The following DYNC2H1 variants were observed in gnomAD, a reference collection of about 807,000 sequenced individuals.
DYNC2H1 encodes cytoplasmic dynein 2 heavy chain 1.
A neutral mutation model predicts 570.0 loss-of-function variants in DYNC2H1; 410 were observed. The observed-to-expected ratio is 0.72, with a 90% confidence interval of 0.66 to 0.78. DYNC2H1 has a LOEUF of 0.78. Ranked by LOEUF, DYNC2H1 falls within the 30% of genes least tolerant of loss-of-function variation. DYNC2H1 has a pLI of 0.00. For missense variants in DYNC2H1, 4,865 were observed against 5,046.4 expected (o/e 0.96, Z 1.09); for synonymous variants, 1,688 against 1,677.6 (o/e 1.01, Z -0.15).
At chr11:103,169,108 A>C in intron 32 of DYNC2H1, 148 bp downstream of exon 32, 1 of 774,824 alleles carries the variant, frequency 1.3e-6, no homozygotes, top group Non-Finnish European at 1.9e-6. Context: ...AGAATTAGAA[A>C]GGTGTCACAT....
chr11:103,458,290 T>C (rs1015445456), intron 87 of DYNC2H1, among the ~76,000 whole-genome samples: 7 of 152,328 alleles, frequency 4.6e-5, no homozygotes, highest in Admixed American at 1.3e-4. Flanking sequence ...ACAGATTTGT[T>C]TCCTAGGAGC....
intron 75 of DYNC2H1, among the ~76,000 whole-genome samples, chr11:103,296,935 C>T (rs72975611): frequency 0.051 from 7,818 of 152,050 alleles, 255 homozygotes; most frequent in Non-Finnish European, 0.075. Context: ...TTAGGCTGTT[C>T]CTTTTTACTT....
At chr11:103,443,544 T>C (rs978419333) in intron 85 of DYNC2H1, among the ~76,000 whole-genome samples, 1 of 151,872 alleles carries the variant, frequency 6.6e-6, no homozygotes, top group Admixed American at 6.6e-5. Flanking sequence ...TATTTTTTAG[T>C]AATATATATT....
At chr11:103,435,257 C>T (rs770343565) in intron 84 of DYNC2H1, among the ~76,000 whole-genome samples, 11 of 152,042 alleles carry the variant, frequency 7.2e-5, no homozygotes, top group Non-Finnish European at 8.8e-5. Flanking sequence ...ATAAAATTGA[C>T]GTTCTCTCCT....
intron 18 of DYNC2H1, among the ~76,000 whole-genome samples, chr11:103,144,518 T>C (rs1355911632): frequency 6.6e-6 from 1 of 152,012 alleles, no homozygotes; most frequent in African/African-American, 2.4e-5. Flanking sequence ...CAGGTGCAAA[T>C]GAAAATGGGA....
rs7935112 is a variant in DYNC2H1 at position 103,121,628 on chromosome 11, A to G, written c.1485+132A>G. 2.1e-3 allele frequency: 2,084 copies of G among 1,011,820 alleles called. 24 individuals carry two copies. The African/African-American group carries it at 0.028, about 14-fold the overall frequency. The allele number at this position is 1,011,820 out of a possible 1,614,324, so 62.7% of individuals were successfully genotyped here. ...GGCATGTCTGTCTAATTTTCATACA[A>G]AATGCAGAACACTGAAAAAGTATGC... On this transcript the variant is annotated intron_variant, in intron 10 of 88. Transcript: ENST00000375735.
chr11:103,459,658 A>G (rs1265004179), intron 87 of DYNC2H1, among the ~76,000 whole-genome samples: 2 of 152,076 alleles, frequency 1.3e-5, no homozygotes, highest in African/African-American at 2.4e-5. Context: ...TTCTCACTTA[A>G]AGCTGAAGGA....
At chr11:103,333,587 A>G (rs1014011423) in intron 82 of DYNC2H1, among the ~76,000 whole-genome samples, 2 of 152,204 alleles carry the variant, frequency 1.3e-5, no homozygotes, top group African/African-American at 2.4e-5. Flanking sequence ...CAGTTCTACT[A>G]TACTGGCCTC....
At chr11:103,197,204 AT>A (rs1862537264) in intron 47 of DYNC2H1, among the ~76,000 whole-genome samples, 1 of 151,610 alleles carries the variant, frequency 6.6e-6, no homozygotes, top group African/African-American at 2.4e-5. Context: ...GAGTTTTGAG[AT>A]TGTTTTATTT....
chr11:103,286,372 T>G lies in DYNC2H1; in HGVS notation c.11008T>G (p.Ser3670Ala). ...TCCATCTATCCTTGCAAAGAAAGTTTCCTTATTTCAGCAGGTAAAATTTAG... is the reference window on the plus strand; with the variant it reads ...TCCATCTATCCTTGCAAAGAAAGTTGCCTTATTTCAGCAGGTAAAATTTAG... ...EFPSILAKKV[S>A]LFQQILVVQA... is the part of the protein sequence containing the mutation. Residue 3670 changes from serine to alanine, a missense_variant, in exon 74 of 89, where the codon TCC becomes GCC. Physicochemically the swap from Ser to Ala is moderately conservative, Grantham distance 99. Around this residue, in one of 5 missense-constraint regions of DYNC2H1, gnomAD observed 2,401 missense variants for 2,454.6 expected, o/e 0.98. Transcript: ENST00000375735. 1 of 1,611,448 alleles carries G rather than the reference T, an allele frequency of 6.2e-7. No individual in the cohort carries two copies. Among genetic ancestry groups the G allele is most frequent in the African/African-American group, 1.3e-5 (1 of 74,912 alleles).
In DYNC2H1 at chr11:103,256,329, G is replaced by A. The variant is rs531206132; in HGVS notation, c.10461+89G>A. The A allele has an allele frequency of 6.3e-5, 82 of 1,295,856 alleles. No homozygotes were observed. In the African/African-American group the frequency reaches 8.7e-4, roughly 14 times the overall value. The allele number at this position is 1,295,856 out of a possible 1,614,324, so 80.3% of individuals were successfully genotyped here. A position where few individuals can be genotyped will look rare whatever the true frequency, so the allele number is the denominator to read the frequency against. On this transcript the variant is annotated intron_variant, in intron 68 of 88. Transcript: ENST00000375735. This position sits in a 1 kb window ranked among gnomAD's most constrained non-coding sequence, Gnocchi z 4.0. Reference sequence around the variant, plus strand: ...GAAAATGTAGAATCAGGTCCTCAGGGGAAAGATGATGTGAAAAGAAAAAAG... The same window carrying A: ...GAAAATGTAGAATCAGGTCCTCAGGAGAAAGATGATGTGAAAAGAAAAAAG...
In DYNC2H1 at chr11:103,241,658, T is replaced by A. The variant is rs1864427186; in HGVS notation, c.9820-2035T>A. On this transcript the variant is annotated intron_variant, in intron 63 of 88. Transcript: ENST00000375735. The surrounding 1 kb of genome is among the most constrained non-coding windows in gnomAD (Gnocchi z 5.1). ...CATAAAATTAGATCAAAAACCTAGG[T>A]GCAGCACCATGGTAACACTTCACAG... 2.4e-6 allele frequency: 2 copies of A among 846,560 alleles called. No individual in the cohort carries two copies. The highest frequency in any genetic ancestry group is 5.6e-5 in the East Asian group (2 of 35,926). 52.4% of individuals were successfully genotyped at this position (846,560 alleles called of 1,614,324 possible).
At chr11:103,285,481 G>C (rs1866313422) in intron 73 of DYNC2H1, among the ~76,000 whole-genome samples, 1 of 143,700 alleles carries the variant, frequency 7.0e-6, no homozygotes, top group South Asian at 2.2e-4. Context: ...GGAGTGCAGT[G>C]GCGTGATCTC....
intron 65 of DYNC2H1, among the ~76,000 whole-genome samples, chr11:103,250,268 T>C (rs1305268953): frequency 6.6e-6 from 1 of 152,096 alleles, no homozygotes; most frequent in Non-Finnish European, 1.5e-5. Flanking sequence ...ATATTGATAA[T>C]TTTTATTATC....
In DYNC2H1 at chr11:103,201,740, C is replaced by A. The variant is rs538640773; in HGVS notation, c.8197+1586C>A. ...GGTGTCTTCCTGGGGAGGACACTTGCGAATTCCTATATTTCTTCCTTTTTT... is the reference window on the plus strand; with the variant it reads ...GGTGTCTTCCTGGGGAGGACACTTGAGAATTCCTATATTTCTTCCTTTTTT... On this transcript the variant is annotated intron_variant, in intron 50 of 88. Coordinates refer to ENST00000375735, the MANE Select transcript of DYNC2H1 (RefSeq NM_001377.3). This position sits in a 1 kb window ranked among gnomAD's most constrained non-coding sequence, Gnocchi z 4.8. Among the ~76,000 whole-genome samples, 2 of 151,964 alleles carry A rather than the reference C, an allele frequency of 1.3e-5. No individual in the cohort carries two copies. The highest frequency in any genetic ancestry group is 2.4e-5 in the African/African-American group (1 of 41,356).
intron 84 of DYNC2H1, among the ~76,000 whole-genome samples, chr11:103,426,300 G>A (rs775078299): frequency 5.3e-5 from 8 of 152,184 alleles, no homozygotes; most frequent in Admixed American, 1.3e-4. Context: ...TCTGAAGGCT[G>A]TCAGCCCCCT....
chr11:103,280,916 A>T lies in DYNC2H1; in HGVS notation c.10761+503A>T, dbSNP rs1183073343. ...TTTATGATCTCATTTCTAGTCTGCC[A>T]TGTAACCCCTTCTCAAACTTTAAAA... On this transcript the variant is annotated intron_variant, in intron 71 of 88. Transcript: ENST00000375735. The surrounding 1 kb of genome is among the most constrained non-coding windows in gnomAD (Gnocchi z 4.7). Among the ~76,000 whole-genome samples, 4 of 152,014 alleles carry T rather than the reference A, an allele frequency of 2.6e-5. No homozygotes were observed. Among genetic ancestry groups the T allele is most frequent in the African/African-American group, 7.2e-5 (3 of 41,422 alleles).
chr11:103,329,086 G>A (rs1938638296), intron 82 of DYNC2H1, among the ~76,000 whole-genome samples: 1 of 151,444 alleles, frequency 6.6e-6, no homozygotes, highest in Non-Finnish European at 1.5e-5. Context: ...CAAAAAAGAA[G>A]TACATCTGTG....
chr11:103,449,038 A>AT (rs1944514390), intron 85 of DYNC2H1, among the ~76,000 whole-genome samples: 1 of 152,188 alleles, frequency 6.6e-6, no homozygotes, highest in Admixed American at 6.5e-5. Context: ...CGTTTCTGAT[A>AT]TGGTGGCATG....
Sources: gnomAD v4.1 joint callset for allele counts (sites outside exome capture counted in the v4.1 genomes callset) on GRCh38, gnomAD v4.1.1 for gene constraint, gnomAD v4.1.1 regional missense constraint, Gnocchi (gnomAD v3.1) non-coding constraint, MANE v1.5 for transcripts, NCBI Gene and HGNC (gene_info 2026-07-23, HGNC 2026-07-21) for gene names.